DLG2: variants seen among roughly 807,000 people sequenced by gnomAD.
The protein encoded by DLG2 is discs large MAGUK scaffold protein 2, also known as disks large homolog 2.
In DLG2, 45 loss-of-function variants were observed where a neutral mutation model predicts 132.5. The observed-to-expected ratio is 0.34, with a 90% CI of 0.27 to 0.44. The LOEUF (loss-of-function observed/expected upper bound fraction) is 0.44, where lower values mean the gene tolerates loss of function less well. Among genes scored for constraint, DLG2 ranks in the 20% least tolerant of loss-of-function variants. The probability of loss-of-function intolerance (pLI) is 1.00; values close to 1 mark genes in which losing one functional copy is unlikely to be tolerated. For synonymous variants in DLG2, 424 were observed against 419.6 expected, an observed-to-expected ratio of 1.01 and a Z score of -0.13; for missense variants, 1,045 against 1,196.9, an observed-to-expected ratio of 0.87 and a Z score of 1.87.
At chr11:84,369,044 C>A (rs1049836058) in intron 7 of DLG2, among the ~76,000 whole-genome samples, 1 of 152,062 alleles carries the variant, frequency 6.6e-6, no homozygotes, top group South Asian at 2.1e-4. Flanking sequence ...AATCACGTAT[C>A]CATCCCATTA....
At chr11:84,539,172 C>T (rs1047200373) in intron 6 of DLG2, among the ~76,000 whole-genome samples, 1 of 152,054 alleles carries the variant, frequency 6.6e-6, no homozygotes, top group Non-Finnish European at 1.5e-5. Flanking sequence ...TTCTCTTTAT[C>T]TTAGACTCAG....
intron 7 of DLG2, among the ~76,000 whole-genome samples, chr11:84,308,704 G>C (rs111972235): frequency 6.6e-6 from 1 of 152,156 alleles, no homozygotes; most frequent in East Asian, 1.9e-4. Context: ...GCTAAGGCCC[G>C]TGAGAAATCG....
At chr11:85,481,355 C>A (rs2093284596) in intron 3 of DLG2, among the ~76,000 whole-genome samples, 1 of 152,126 alleles carries the variant, frequency 6.6e-6, no homozygotes, top group Non-Finnish European at 1.5e-5. Flanking sequence ...AACAATTGTC[C>A]ATGCACAAAA....
chr11:85,184,914 T>C (rs2079983953), intron 4 of DLG2, among the ~76,000 whole-genome samples: 1 of 151,838 alleles, frequency 6.6e-6, no homozygotes, highest in African/African-American at 2.4e-5. Context: ...AGAGAACAAA[T>C]GTATCAAGTT....
chr11:85,013,871 G>A (rs775199413), intron 6 of DLG2, among the ~76,000 whole-genome samples: 1 of 152,056 alleles, frequency 6.6e-6, no homozygotes, highest in Non-Finnish European at 1.5e-5. Flanking sequence ...TTTTTTTAAG[G>A]TGCATGCTAT....
At chr11:83,704,865 T>G (rs1566618656) in intron 18 of DLG2, among the ~76,000 whole-genome samples, 2 of 152,080 alleles carry the variant, frequency 1.3e-5, no homozygotes, top group South Asian at 4.2e-4. Context: ...GGAAAAAAAC[T>G]GAGTATAACC....
At chr11:83,483,431 CTCTT>C in intron 22 of DLG2, 1 of 592,742 alleles carries the variant, frequency 1.7e-6, no homozygotes, top group Middle Eastern at 3.5e-4. Context: ...ATCCCATTCT[CTCTT>C]CTTTTAAAAA....
intron 3 of DLG2, among the ~76,000 whole-genome samples, chr11:85,558,303 A>G (rs1053100826): frequency 1.3e-5 from 2 of 151,938 alleles, no homozygotes; most frequent in African/African-American, 4.8e-5. Flanking sequence ...TCAAAAAGCA[A>G]TAGATGTTGG....
intron 6 of DLG2, among the ~76,000 whole-genome samples, chr11:84,732,014 T>C (rs1231320928): frequency 6.6e-6 from 1 of 152,014 alleles, no homozygotes; most frequent in Non-Finnish European, 1.5e-5. Flanking sequence ...TTTCAAGAGG[T>C]TTATATAAAT....
At chr11:83,861,073 T>C (rs1309470486) in intron 16 of DLG2, among the ~76,000 whole-genome samples, 1 of 152,142 alleles carries the variant, frequency 6.6e-6, no homozygotes, top group Non-Finnish European at 1.5e-5. Flanking sequence ...CTAATAAAAA[T>C]TCACTAATAT....
At chr11:84,222,787 T>G (rs925859612) in intron 8 of DLG2, among the ~76,000 whole-genome samples, 3 of 152,212 alleles carry the variant, frequency 2.0e-5, no homozygotes, top group African/African-American at 7.2e-5. Flanking sequence ...AAGATAGGTT[T>G]AAAACTAATT....
intron 7 of DLG2, among the ~76,000 whole-genome samples, chr11:84,360,328 T>C (rs1042220753): frequency 2.8e-4 from 43 of 151,820 alleles, no homozygotes; most frequent in African/African-American, 1.0e-3. Context: ...TAAATTCAAA[T>C]AAATTATTAA....
chr11:85,309,803 C>T (rs546548222), intron 3 of DLG2, among the ~76,000 whole-genome samples: 22 of 152,176 alleles, frequency 1.4e-4, no homozygotes, highest in Admixed American at 2.6e-4. Context: ...ATCATCTTAC[C>T]CTGATTCCTG....
At chr11:84,948,870 G>C (rs546270988) in intron 6 of DLG2, among the ~76,000 whole-genome samples, 1 of 152,284 alleles carries the variant, frequency 6.6e-6, no homozygotes, top group African/African-American at 2.4e-5. Context: ...CATCTTATAG[G>C]ATTGCTGCAC....
intron 6 of DLG2, among the ~76,000 whole-genome samples, chr11:85,002,878 A>C (rs1291792566): frequency 6.6e-6 from 1 of 152,012 alleles, no homozygotes; most frequent in Non-Finnish European, 1.5e-5. Flanking sequence ...ACAGGGATGA[A>C]GACCTTTATG....
rs369009653 is a variant in DLG2, at chr11:84,030,854, G to C, written c.919+28461C>G. ...ATGAATTAGATATGAGTTGAGAGGA[G>C]GGAAACTGACAAGGGGTGCTCATTA... On this transcript the variant is annotated intron_variant, in intron 11 of 27. Coordinates refer to ENST00000376104, the MANE Select transcript of DLG2 (RefSeq NM_001142699.3). Among the ~76,000 whole-genome samples, 43 of 152,168 alleles carry C rather than the reference G, an allele frequency of 2.8e-4. 1 individual carries two copies. The East Asian group carries it at 8.1e-3, about 29-fold the overall frequency.
intron 6 of DLG2, among the ~76,000 whole-genome samples, chr11:85,070,047 G>A (rs536429263): frequency 9.9e-5 from 15 of 151,722 alleles, no homozygotes; most frequent in East Asian, 7.8e-4. Flanking sequence ...GCAAACTATC[G>A]CAAGGACAAA....
intron 4 of DLG2, among the ~76,000 whole-genome samples, chr11:85,184,326 T>C (rs1370349635): frequency 1.3e-5 from 2 of 151,860 alleles, no homozygotes; most frequent in Non-Finnish European, 2.9e-5. Flanking sequence ...CAAGGGGATT[T>C]TTTTTTATAA....
rs553576394 is a variant in DLG2 at position 83,953,113 on chromosome 11, C to T, written c.1340+9772G>A. The stretch of plus-strand genomic sequence containing the variant: ...AAAAAATGAACGACATAACCCAAAA[C>T]TTATGAAATTTATAAATTGATAGTG... On this transcript the variant is annotated intron_variant, in intron 14 of 27. Transcript: ENST00000376104. 3.3e-5 allele frequency among the ~76,000 whole-genome samples: 5 copies of T among 152,160 alleles called. 1 individual carries two copies. In the South Asian group the frequency reaches 1.0e-3, roughly 32 times the overall value.
Sources: allele counts gnomAD v4.1 joint callset (sites outside exome capture counted in the v4.1 genomes callset), GRCh38; gene constraint gnomAD v4.1.1; transcripts MANE v1.5; gene names NCBI Gene and HGNC (gene_info 2026-07-23, HGNC 2026-07-21).